CTCF: variants seen among roughly 807,000 people sequenced by gnomAD.
CTCF encodes the protein CCCTC-binding factor.
In CTCF, 7 loss-of-function variants were observed where a neutral mutation model predicts 72.3. That is an observed-to-expected ratio of 0.10 (90% CI 0.06 to 0.18). The LOEUF (loss-of-function observed/expected upper bound fraction) is 0.18, where lower values mean the gene tolerates loss of function less well. Ranked by LOEUF, CTCF falls within the 10% of genes least tolerant of loss-of-function variation. CTCF has a pLI of 1.00. For synonymous variants in CTCF, 374 were observed against 315.8 expected, an observed-to-expected ratio of 1.18 and a Z score of -1.95; for missense variants, 516 against 949.1, an observed-to-expected ratio of 0.54 and a Z score of 6.00.
chr16:67,612,889 G>A (rs1291065322), intron 4 of CTCF, among the ~76,000 whole-genome samples: 2 of 152,160 alleles, frequency 1.3e-5, no homozygotes, highest in Admixed American at 1.3e-4. Context: ...AATGAGCTGA[G>A]ATAGTGCTAC....
At chr16:67,613,982 G>A (rs1254802290) in intron 4 of CTCF, among the ~76,000 whole-genome samples, 1 of 152,100 alleles carries the variant, frequency 6.6e-6, no homozygotes, top group Non-Finnish European at 1.5e-5. Flanking sequence ...TCAGTTTATG[G>A]TGAGGAGTAT....
intron 5 of CTCF, among the ~76,000 whole-genome samples, chr16:67,618,872 G>C (rs1354093329): frequency 2.0e-5 from 3 of 152,224 alleles, no homozygotes; most frequent in African/African-American, 7.2e-5. Flanking sequence ...AACATTACAA[G>C]TTGATTCTAA....
At chr16:67,616,183 A>T (rs889826027) in intron 4 of CTCF, 2 of 152,950 alleles carry the variant, frequency 1.3e-5, no homozygotes, top group African/African-American at 4.8e-5. Flanking sequence ...AGGAAATACT[A>T]TGTAAAGCCT....
In CTCF at chr16:67,616,888, C is replaced by G. The variant is rs148951300; in HGVS notation, c.1086+10C>G. ...TTACGCCAGTGTAGAAGTGAGTGTT[C>G]AGCTTTTTGTTGGTATCTCTCTTAG... is the stretch of plus-strand genomic sequence containing the variant. On this transcript the variant is annotated intron_variant, in intron 5 of 11. Coordinates refer to ENST00000264010, the MANE Select transcript of CTCF (RefSeq NM_006565.4). 4.5e-5 allele frequency: 72 copies of G among 1,613,818 alleles called. 1 individual carries two copies. In the African/African-American group the frequency reaches 8.7e-4, roughly 19 times the overall value.
At chr16:67,563,117 G>T (rs1167292264) in intron 1 of CTCF, among the ~76,000 whole-genome samples, 1 of 151,926 alleles carries the variant, frequency 6.6e-6, no homozygotes, top group East Asian at 1.9e-4. Context: ...CTCCCGCGGC[G>T]GGTGGCCCCA....
chr16:67,593,605 G>T (rs955756137), intron 2 of CTCF, among the ~76,000 whole-genome samples: 4 of 152,040 alleles, frequency 2.6e-5, no homozygotes, highest in African/African-American at 9.7e-5. Context: ...CATTTGTTAG[G>T]TACCCTTCAT....
At chr16:67,595,614 T>A (rs536355351) in intron 2 of CTCF, among the ~76,000 whole-genome samples, 3 of 152,274 alleles carry the variant, frequency 2.0e-5, no homozygotes, top group African/African-American at 7.2e-5. Context: ...TATTGTTTCA[T>A]TGGGTTTTTA....
chr16:67,570,271 C>T (rs902893037), intron 1 of CTCF, among the ~76,000 whole-genome samples: 7 of 151,670 alleles, frequency 4.6e-5, no homozygotes, highest in African/African-American at 1.2e-4. Flanking sequence ...TTAGTAGAGA[C>T]GGGGTCTCAC....
chr16:67,568,853 T>G (rs2051375657), intron 1 of CTCF, among the ~76,000 whole-genome samples: 1 of 151,264 alleles, frequency 6.6e-6, no homozygotes, highest in South Asian at 2.1e-4. Context: ...TCTTTTTTTT[T>G]TTGAGACTGA....
At chr16:67,598,761 C>CA (rs1346603261) in intron 2 of CTCF, among the ~76,000 whole-genome samples, 1 of 152,244 alleles carries the variant, frequency 6.6e-6, no homozygotes, top group Non-Finnish European at 1.5e-5. Flanking sequence ...CAAGTATACC[C>CA]AGCTTTCTGA....
chr16:67,567,845 G>C (rs1249194217), intron 1 of CTCF: 2 of 148,718 alleles, frequency 1.3e-5, no homozygotes, highest in Non-Finnish European at 3.0e-5. Flanking sequence ...TCCCACCTCG[G>C]CCTCCCAAAG....
intron 2 of CTCF, among the ~76,000 whole-genome samples, chr16:67,576,773 G>T (rs1370551613): frequency 6.6e-6 from 1 of 151,858 alleles, no homozygotes; most frequent in Admixed American, 6.6e-5. Flanking sequence ...CTCGTAATCC[G>T]CCTGCCTCTG....
chr16:67,616,509 A>C, intron 4 of CTCF: 1 of 484,028 alleles, frequency 2.1e-6, no homozygotes, highest in Non-Finnish European at 3.7e-6. Context: ...CAGCGGATTC[A>C]GATGGGTAAT....
At chr16:67,619,147 T>C (rs1403450296) in intron 5 of CTCF, among the ~76,000 whole-genome samples, 3 of 152,328 alleles carry the variant, frequency 2.0e-5, no homozygotes, top group East Asian at 1.9e-4. Context: ...GTAACACTTA[T>C]GAGTGGGGCC....
intron 2 of CTCF, among the ~76,000 whole-genome samples, chr16:67,580,736 C>CTT (rs2051567522): frequency 6.9e-6 from 1 of 144,680 alleles, no homozygotes; most frequent in Non-Finnish European, 1.5e-5. Flanking sequence ...TAATTTTGTA[C>CTT]TTTTAGTAGA....
chr16:67,580,542 A>T (rs1203249467), intron 2 of CTCF, among the ~76,000 whole-genome samples: 2 of 151,066 alleles, frequency 1.3e-5, no homozygotes, highest in East Asian at 3.9e-4. Context: ...TTTTTATTTT[A>T]TTTATTTATG....
chr16:67,583,642 G>T (rs949424888), intron 2 of CTCF, among the ~76,000 whole-genome samples: 8 of 151,558 alleles, frequency 5.3e-5, no homozygotes, highest in Admixed American at 2.0e-4. Context: ...AGCCAAGATT[G>T]CTCCATTGCA....
At chr16:67,578,878 G>A (rs763012351) in intron 2 of CTCF, among the ~76,000 whole-genome samples, 24 of 151,856 alleles carry the variant, frequency 1.6e-4, no homozygotes, top group Non-Finnish European at 2.8e-4. Flanking sequence ...AACCCGGGAA[G>A]TGGAGGTTGC....
chr16:67,584,337 C>CTTCTTTTTTTTTTTTTT (rs1462998203), intron 2 of CTCF, among the ~76,000 whole-genome samples: 6 of 105,832 alleles, frequency 5.7e-5, no homozygotes, highest in African/African-American at 1.3e-4. Flanking sequence ...AAAAAGTCTT[C>CTTCTTTTTTTTTTTTTT]TTTTTTTTTT....
Sources: gnomAD v4.1 joint callset for allele counts (sites outside exome capture counted in the v4.1 genomes callset) on GRCh38, gnomAD v4.1.1 for gene constraint, MANE v1.5 for transcripts, NCBI Gene and HGNC (gene_info 2026-07-23, HGNC 2026-07-21) for gene names.